Variants in FRAS1 observed in about 807,000 individuals in gnomAD.
FRAS1 encodes the protein Fraser extracellular matrix complex subunit 1, also known as extracellular matrix organizing protein FRAS1.
In FRAS1, 290 loss-of-function variants were observed where a neutral mutation model predicts 435.2. The ratio of observed to expected loss-of-function variants is 0.67; its 90% CI spans 0.61 to 0.73. FRAS1 has a LOEUF of 0.73. Ranked by LOEUF, FRAS1 falls within the 30% of genes least tolerant of loss-of-function variation. FRAS1 has a pLI of 0.00. For missense variants in FRAS1, 4,860 were observed against 5,001.5 expected, an observed-to-expected ratio of 0.97 and a Z score of 0.85; for synonymous variants, 1,800 against 1,851.0, an observed-to-expected ratio of 0.97 and a Z score of 0.71.
intron 29 of FRAS1, among the ~76,000 whole-genome samples, chr4:78,400,327 C>T (rs941331465): frequency 1.5e-4 from 23 of 152,126 alleles, no homozygotes; most frequent in African/African-American, 4.3e-4. Context: ...TAAGTTCTGA[C>T]GTTAAGGTTT....
chr4:78,112,001 A>G (rs1280857101), intron 2 of FRAS1, among the ~76,000 whole-genome samples: 1 of 152,142 alleles, frequency 6.6e-6, no homozygotes, highest in Non-Finnish European at 1.5e-5. Flanking sequence ...AAAAATCCAG[A>G]AAAAAGCAAT....
intron 22 of FRAS1, among the ~76,000 whole-genome samples, chr4:78,367,116 A>G (rs933153888): frequency 2.0e-5 from 3 of 152,156 alleles, no homozygotes; most frequent in South Asian, 2.1e-4. Context: ...CTTTGTAGAA[A>G]GATTCAGGCC....
chr4:78,387,601 C>G lies in FRAS1; in HGVS notation c.3875C>G (p.Ala1292Gly), dbSNP rs536484759. 3 of 1,613,596 alleles carry G rather than the reference C, an allele frequency of 1.9e-6. No individual in the cohort carries two copies. Among genetic ancestry groups the G allele is most frequent in the Non-Finnish European group, 2.5e-6 (3 of 1,179,636 alleles). ...DELSRGLLHY[A>G]HDGSDSTSDV... ...CTCTCTAGAGGCCTTCTCCACTATG[C>G]TCATGATGGTTCAGACAGCACATCC... The change falls in exon 29 of 74, where the codon GCT (alanine) becomes GGT (glycine). Residue 1292 changes from alanine (A) to glycine (G), a missense_variant. Coordinates refer to ENST00000512123, the MANE Select transcript of FRAS1 (RefSeq NM_025074.7).
intron 14 of FRAS1, among the ~76,000 whole-genome samples, chr4:78,295,848 C>T (rs1021966013): frequency 6.6e-6 from 1 of 151,614 alleles, no homozygotes; most frequent in South Asian, 2.1e-4. Flanking sequence ...CAGGTTCGAA[C>T]GATTCTCCTG....
chr4:78,510,420 T>C (rs1304142258), intron 63 of FRAS1, among the ~76,000 whole-genome samples: 1 of 152,214 alleles, frequency 6.6e-6, no homozygotes, highest in African/African-American at 2.4e-5. Flanking sequence ...TATAAATAAG[T>C]AAAGCATTGG....
At chr4:78,472,585 C>T (rs946573853) in intron 52 of FRAS1, among the ~76,000 whole-genome samples, 1 of 152,096 alleles carries the variant, frequency 6.6e-6, no homozygotes, top group Non-Finnish European at 1.5e-5. Flanking sequence ...TAAGTGTTGG[C>T]CAGGTTTTCT....
intron 2 of FRAS1, among the ~76,000 whole-genome samples, chr4:78,082,637 A>C (rs1284253141): frequency 6.6e-6 from 1 of 151,900 alleles, no homozygotes; most frequent in Non-Finnish European, 1.5e-5. Flanking sequence ...TTCTATTCTT[A>C]TTTTTCACTT....
chr4:78,330,218 G>A lies in FRAS1; in HGVS notation c.2138-3054G>A, dbSNP rs537840766. ...GCAATCTCTAAACATAAATTGTGAA[G>A]ATTTCATGGACACTCATCACTTCCC... On this transcript the variant is annotated intron_variant, in intron 18 of 73. Transcript: ENST00000512123. 1.6e-3 allele frequency among the ~76,000 whole-genome samples: 246 copies of A among 152,308 alleles called. 1 individual carries two copies. Among genetic ancestry groups the A allele is most frequent in the African/African-American group, 5.7e-3 (237 of 41,570 alleles).
intron 13 of FRAS1, 67 bp from the exon 14 acceptor site, chr4:78,286,338 A>T: frequency 1.9e-6 from 3 of 1,588,110 alleles, no homozygotes; most frequent in Non-Finnish European, 2.6e-6. Context: ...AAGCACTGGC[A>T]TGGGGGTGGT....
intron 18 of FRAS1, among the ~76,000 whole-genome samples, chr4:78,329,724 G>T (rs143490452): frequency 6.6e-6 from 1 of 152,192 alleles, no homozygotes; most frequent in Non-Finnish European, 1.5e-5. Context: ...ATGGGAAATG[G>T]TCAAAGGACA....
intron 68 of FRAS1, among the ~76,000 whole-genome samples, chr4:78,522,309 G>A (rs148159146): frequency 2.3e-3 from 346 of 152,128 alleles, no homozygotes; most frequent in African/African-American, 8.2e-3. Flanking sequence ...AAACATGTTC[G>A]TTAGAATTCA....
chr4:78,070,902 T>C (rs990116171), intron 2 of FRAS1: 1 of 152,210 alleles, frequency 6.6e-6, no homozygotes, highest in Admixed American at 6.5e-5. Context: ...TTAAAGGAGA[T>C]GAACATGAAG....
rs540277433 is a variant in FRAS1, at chr4:78,514,837, C to T, written c.10175-962C>T. 7.9e-5 allele frequency among the ~76,000 whole-genome samples: 12 copies of T among 152,086 alleles called. No homozygotes were observed. In the East Asian group the frequency reaches 1.4e-3, roughly 17 times the overall value. ...ATCCTAGCACTTTGGGAGGCTGAGG[C>T]GGGTGGATTGCCTGAGCTTAGGAGT... On this transcript the variant is annotated intron_variant, in intron 65 of 73. Transcript: ENST00000512123.
intron 14 of FRAS1, among the ~76,000 whole-genome samples, chr4:78,300,925 C>A (rs538901650): frequency 1.3e-5 from 2 of 152,282 alleles, no homozygotes; most frequent in South Asian, 4.1e-4. Flanking sequence ...GTCCCCACCA[C>A]CCCCACCACT....
At chr4:78,522,559 T>G (rs916768820) in intron 68 of FRAS1, 90 bp from the exon 69 acceptor site, 1 of 1,124,388 alleles carries the variant, frequency 8.9e-7, no homozygotes, top group East Asian at 2.6e-5. Flanking sequence ...ATTAATTCAG[T>G]TCTCAGGCTT....
chr4:78,525,566 A>G (rs1464542323), intron 69 of FRAS1, among the ~76,000 whole-genome samples: 1 of 152,252 alleles, frequency 6.6e-6, no homozygotes, highest in Non-Finnish European at 1.5e-5. Context: ...TTTGCTGTCA[A>G]TTTACTGATA....
intron 29 of FRAS1, among the ~76,000 whole-genome samples, chr4:78,394,043 C>T (rs1732553999): frequency 1.3e-5 from 2 of 151,524 alleles, no homozygotes; most frequent in Admixed American, 6.6e-5. Context: ...AGGTTTTTTC[C>T]CCATTTTTAA....
intron 2 of FRAS1, among the ~76,000 whole-genome samples, chr4:78,171,761 G>A (rs938858722): frequency 3.9e-5 from 6 of 152,100 alleles, no homozygotes; most frequent in African/African-American, 7.2e-5. Flanking sequence ...CCAGCACATC[G>A]CTGTAGCCTT....
At chr4:78,467,773 G>A (rs947855993) in intron 50 of FRAS1, among the ~76,000 whole-genome samples, 1 of 152,068 alleles carries the variant, frequency 6.6e-6, no homozygotes, top group Non-Finnish European at 1.5e-5. Context: ...ATTTTAACTG[G>A]GGTGAGTTGA....
Sources: gnomAD v4.1 joint callset for allele counts (sites outside exome capture counted in the v4.1 genomes callset) on GRCh38, gnomAD v4.1.1 for gene constraint, MANE v1.5 for transcripts, NCBI Gene and HGNC (gene_info 2026-07-23, HGNC 2026-07-21) for gene names.